Variants in LRMDA observed in about 807,000 individuals in gnomAD.
LRMDA encodes the protein leucine-rich melanocyte differentiation-associated protein.
LRMDA carries 18 observed loss-of-function variants against 29.8 expected under a neutral mutation model. That is an observed-to-expected ratio of 0.60 (90% CI 0.42 to 0.90). LRMDA has a LOEUF of 0.90. Among genes scored for constraint, LRMDA ranks in the 40% least tolerant of loss-of-function variants. The probability of loss-of-function intolerance (pLI) is 0.00; values close to 1 mark genes in which losing one functional copy is unlikely to be tolerated. For synonymous variants in LRMDA, 125 were observed against 109.4 expected (o/e 1.14, Z -0.89); for missense variants, 273 against 273.9 (o/e 1.00, Z 0.02).
chr10:75,992,365 C>G (rs1262813111), intron 2 of LRMDA, among the ~76,000 whole-genome samples: 1 of 152,168 alleles, frequency 6.6e-6, no homozygotes, highest in African/African-American at 2.4e-5. Flanking sequence ...ATGCTCCTGA[C>G]AGACAACATT....
At chr10:75,876,661 G>T (rs1845203546) in intron 2 of LRMDA, among the ~76,000 whole-genome samples, 1 of 152,160 alleles carries the variant, frequency 6.6e-6, no homozygotes, top group South Asian at 2.1e-4. Context: ...GGCTTCTGGT[G>T]CAGGACGCTA....
chr10:75,515,124 G>T (rs1845275567), intron 2 of LRMDA, among the ~76,000 whole-genome samples: 2 of 152,220 alleles, frequency 1.3e-5, no homozygotes, highest in South Asian at 4.1e-4. Flanking sequence ...AAAGAAGCCA[G>T]ATGGCACGTA....
intron 6 of LRMDA, among the ~76,000 whole-genome samples, chr10:76,495,377 A>G (rs1366241923): frequency 6.6e-6 from 1 of 151,838 alleles, no homozygotes; most frequent in Non-Finnish European, 1.5e-5. Flanking sequence ...TAATGTATCT[A>G]TCTTGCCACC....
In LRMDA at chr10:75,621,224, ACC is replaced by A. The variant is rs35097090; in HGVS notation, c.131+182732_131+182733del. ...TACACACACACACACACACACACAC[ACC>A]CACACACCCACACACACACCACATT... On this transcript the variant is annotated intron_variant, in intron 2 of 6. Coordinates refer to ENST00000611255, the MANE Select transcript of LRMDA (RefSeq NM_001305581.2). Among the ~76,000 whole-genome samples the A allele has an allele frequency of 2.5e-3, 354 of 143,272 alleles. 2 individuals carry two copies. Among genetic ancestry groups the A allele is most frequent in the African/African-American group, 8.5e-3 (331 of 39,126 alleles). The allele number at this position is 143,272 out of a possible 152,430, so 94.0% of individuals were successfully genotyped here.
chr10:75,736,409 A>C (rs1842762794), intron 2 of LRMDA, among the ~76,000 whole-genome samples: 1 of 152,186 alleles, frequency 6.6e-6, no homozygotes, highest in Admixed American at 6.5e-5. Context: ...ATCTGGAAGG[A>C]GTGAAAAATT....
chr10:76,350,337 A>G (rs1340986835), intron 6 of LRMDA, among the ~76,000 whole-genome samples: 3 of 152,192 alleles, frequency 2.0e-5, no homozygotes, highest in Non-Finnish European at 4.4e-5. Context: ...GATAATGAAA[A>G]GGCAAAACCA....
intron 2 of LRMDA, among the ~76,000 whole-genome samples, chr10:75,901,648 G>A (rs769309509): frequency 2.0e-5 from 3 of 152,128 alleles, no homozygotes; most frequent in Non-Finnish European, 4.4e-5. Flanking sequence ...TCAAGTCAAA[G>A]TGCAAAAGTC....
intron 2 of LRMDA, among the ~76,000 whole-genome samples, chr10:75,714,863 CTTCCTTCCTTCCTTCCTTCT>C (rs1198232483): frequency 1.4e-5 from 2 of 138,722 alleles, no homozygotes; most frequent in South Asian, 2.6e-4. Context: ...CCCTCCCTTC[CTTCCTTCCTTCCTTCCTTCT>C]TTCCTTCCTT....
At chr10:75,572,707 G>C (rs1423185423) in intron 2 of LRMDA, among the ~76,000 whole-genome samples, 1 of 152,108 alleles carries the variant, frequency 6.6e-6, no homozygotes, top group Non-Finnish European at 1.5e-5. Flanking sequence ...ATTTTTCTCT[G>C]AACACTTTGA....
chr10:75,807,078 T>TG (rs571436752), intron 2 of LRMDA, among the ~76,000 whole-genome samples: 169 of 152,222 alleles, frequency 1.1e-3, no homozygotes, highest in East Asian at 7.9e-3. Flanking sequence ...GGAATCCCTG[T>TG]GGGGGGTGAG....
chr10:76,313,014 T>C (rs931396788), intron 5 of LRMDA, among the ~76,000 whole-genome samples: 1 of 152,100 alleles, frequency 6.6e-6, no homozygotes, highest in East Asian at 1.9e-4. Context: ...GGTTGTTTCT[T>C]ACCCTTATTT....
intron 2 of LRMDA, among the ~76,000 whole-genome samples, chr10:76,002,862 G>A (rs1370004347): frequency 6.6e-6 from 1 of 152,218 alleles, no homozygotes; most frequent in Non-Finnish European, 1.5e-5. Flanking sequence ...GGGCTGAGAG[G>A]CCCAGCCTTC....
At chr10:76,028,793 A>G (rs1042420058) in intron 2 of LRMDA, among the ~76,000 whole-genome samples, 1 of 149,452 alleles carries the variant, frequency 6.7e-6, no homozygotes, top group African/African-American at 2.5e-5. Context: ...TGTCACAAAG[A>G]TATTATGAGA....
chr10:76,024,983 C>T (rs1283311178), intron 2 of LRMDA, among the ~76,000 whole-genome samples: 1 of 152,210 alleles, frequency 6.6e-6, no homozygotes, highest in Non-Finnish European at 1.5e-5. Context: ...GGCTGCGGTA[C>T]ACCGTGTCCA....
At chr10:75,623,907 G>A (rs1250252239) in intron 2 of LRMDA, among the ~76,000 whole-genome samples, 1 of 152,186 alleles carries the variant, frequency 6.6e-6, no homozygotes. Context: ...ATTTGTGCTG[G>A]ATTAGGTTGT....
chr10:75,572,699 T>G (rs1036898490), intron 2 of LRMDA, among the ~76,000 whole-genome samples: 5 of 152,208 alleles, frequency 3.3e-5, no homozygotes, highest in Non-Finnish European at 7.3e-5. Context: ...TGATAGCTAT[T>G]TTTCTCTGAA....
At chr10:76,200,714 C>CTTTTTTTTTTTT (rs545738244) in intron 5 of LRMDA, among the ~76,000 whole-genome samples, 16 of 142,736 alleles carry the variant, frequency 1.1e-4, no homozygotes, top group African/African-American at 1.3e-4. Context: ...TTTTCTTTTT[C>CTTTTTTTTTTTT]TTTTTTTTTT....
intron 6 of LRMDA, among the ~76,000 whole-genome samples, chr10:76,459,835 A>G (rs906903243): frequency 3.3e-5 from 5 of 152,034 alleles, no homozygotes; most frequent in Non-Finnish European, 7.4e-5. Flanking sequence ...GTTAATATGT[A>G]TACATGTGCT....
chr10:75,516,686 C>A (rs1385473372), intron 2 of LRMDA, among the ~76,000 whole-genome samples: 1 of 152,076 alleles, frequency 6.6e-6, no homozygotes, highest in Non-Finnish European at 1.5e-5. Flanking sequence ...TTTTGCCTTG[C>A]AGAAGCTCTT....
Sources: allele counts gnomAD v4.1 joint callset (sites outside exome capture counted in the v4.1 genomes callset), GRCh38; gene constraint gnomAD v4.1.1; transcripts MANE v1.5; gene names NCBI Gene and HGNC (gene_info 2026-07-23, HGNC 2026-07-21).